ABCF3: variants seen among roughly 807,000 people sequenced by gnomAD.
ABCF3 encodes the protein ATP-binding cassette sub-family F member 3.
In ABCF3, 62 loss-of-function variants were observed where a neutral mutation model predicts 94.3. That is an observed-to-expected ratio of 0.66 (90% CI 0.54 to 0.81). The LOEUF (loss-of-function observed/expected upper bound fraction) is 0.81, where lower values mean the gene tolerates loss of function less well. Ranked by LOEUF, ABCF3 falls within the 40% of genes least tolerant of loss-of-function variation. The pLI, the probability that ABCF3 is intolerant of heterozygous loss-of-function variation, is 0.00. For synonymous variants in ABCF3, 355 were observed against 361.1 expected, an observed-to-expected ratio of 0.98 and a Z score of 0.19; for missense variants, 843 against 925.3, an observed-to-expected ratio of 0.91 and a Z score of 1.15.
chr3:184,190,885 TA>T (rs1715974751), intron 14 of ABCF3, 113 bp from the exon 15 acceptor site: 1 of 1,230,988 alleles, frequency 8.1e-7, no homozygotes, highest in Admixed American at 2.3e-5. Context: ...AAAGTAATGA[TA>T]CCTGAGTGGT....
intron 7 of ABCF3, 35 bp downstream of exon 7, chr3:184,188,442 G>T (rs761651072): frequency 1.9e-6 from 3 of 1,584,074 alleles, no homozygotes; most frequent in Admixed American, 3.4e-5. Context: ...ACTAGCAGCC[G>T]CTGTCGCTTA....
intron 14 of ABCF3, 118 bp from the exon 15 acceptor site, chr3:184,190,881 A>G: frequency 8.3e-7 from 1 of 1,198,598 alleles, no homozygotes; most frequent in Non-Finnish European, 1.2e-6. Flanking sequence ...CTCTAAAGTA[A>G]TGATACCTGA....
intron 3 of ABCF3, 45 bp from the exon 4 acceptor site, chr3:184,187,352 C>T: frequency 6.2e-7 from 1 of 1,612,364 alleles, no homozygotes; most frequent in Non-Finnish European, 8.5e-7. Flanking sequence ...ATGTTAGTTT[C>T]CCTTCCCTCA....
rs536100363 is a variant in ABCF3 at position 184,187,307 on chromosome 3, C to CT, written c.302-89dup. The CT allele has an allele frequency of 1.1e-4, 160 of 1,449,568 alleles. 1 individual carries two copies. The highest frequency in any genetic ancestry group is 1.7e-4 in the Admixed American group (10 of 58,284). The allele number at this position is 1,449,568 out of a possible 1,614,324, so 89.8% of individuals were successfully genotyped here. A position where few individuals can be genotyped will look rare whatever the true frequency, so the allele number is the denominator to read the frequency against. The stretch of plus-strand genomic sequence containing the variant: ...TATTATAAGGTTTTGTAGAAAACAT[C>CT]TGTGTCTGTGCCTGGTTCCTATTAG... On this transcript the variant is annotated intron_variant, in intron 3 of 20. Transcript: ENST00000429586.
chr3:184,187,095 G>A (rs371856884), intron 3 of ABCF3: 13 of 633,408 alleles, frequency 2.1e-5, no homozygotes, highest in African/African-American at 5.5e-5. Flanking sequence ...AAGCATAAGA[G>A]CCTGGAGCTG....
intron 16 of ABCF3, among the ~76,000 whole-genome samples, chr3:184,191,650 A>T (rs1577069458): frequency 6.6e-6 from 1 of 151,442 alleles, no homozygotes; most frequent in Non-Finnish European, 1.5e-5. Flanking sequence ...GCTGACATCT[A>T]CCTCACTTGG....
Position 184,189,675 on chromosome 3 carries a change from C to T in ABCF3, c.1232C>T (p.Thr411Ile). 6.2e-7 allele frequency: 1 copy of T among 1,614,186 alleles called. No homozygotes were observed. Among genetic ancestry groups the T allele is most frequent in the Non-Finnish European group, 8.5e-7 (1 of 1,180,038 alleles). Residue 411 changes from threonine to isoleucine, a missense_variant, in exon 13 of 21, where the codon ACC becomes ATC. Coordinates refer to ENST00000429586, the MANE Select transcript of ABCF3 (RefSeq NM_018358.3). ...RLDGYRGDFE[T>I]FIKSKQERLL... Reference sequence around the variant, plus strand: ...GATGGTTACCGGGGAGACTTTGAGACCTTCATCAAGAGTAAGCAGGAGCGG... The same window carrying T: ...GATGGTTACCGGGGAGACTTTGAGATCTTCATCAAGAGTAAGCAGGAGCGG...
At chr3:184,187,524 GA>G in intron 4 of ABCF3, 81 bp downstream of exon 4, 1 of 1,548,560 alleles carries the variant, frequency 6.5e-7, no homozygotes, top group Non-Finnish European at 8.9e-7. Context: ...CTTTTGGGGG[GA>G]TTTCTGACTA....
At position 184,193,335 on chromosome 3, in the gene ABCF3, A is replaced by G. The variant is rs1716149183; in HGVS notation, c.1884-30A>G. ...TTATTTTCTCTCACCGCACCCCTTC[A>G]CTGCCCACCTTCCTGGTTCTGCCTT... On this transcript the variant is annotated intron_variant, in intron 19 of 20. Transcript: ENST00000429586. The surrounding 1 kb of genome is among the most constrained non-coding windows in gnomAD (Gnocchi z 5.2). 1 of 1,613,878 alleles carries G rather than the reference A, an allele frequency of 6.2e-7. No homozygotes were observed. Among genetic ancestry groups the G allele is most frequent in the South Asian group, 1.1e-5 (1 of 91,068 alleles).
chr3:184,189,574 C>G lies in ABCF3; in HGVS notation c.1131C>G (p.Ile377Met), dbSNP rs1667418921. The stretch of plus-strand genomic sequence containing the variant: ...CCCCTCAGACGTGGCCCTCCACCAT[C>G]CTAGTCGTCTCCCACGACCGCAACT... Reference protein sequence around the residue: ...ENYLQTWPSTILVVSHDRNFL... With the variant: ...ENYLQTWPSTMLVVSHDRNFL... Residue 377 changes from isoleucine to methionine, a missense_variant, in exon 13 of 21, where the codon ATC becomes ATG. Transcript: ENST00000429586. The G allele has an allele frequency of 6.2e-7, 1 of 1,614,164 alleles. No individual in the cohort carries two copies. The highest frequency in any genetic ancestry group is 1.1e-5 in the South Asian group (1 of 91,078).
intron 9 of ABCF3, 30 bp from the exon 10 acceptor site, chr3:184,189,058 C>T (rs1306957319): frequency 5.0e-6 from 8 of 1,614,214 alleles, no homozygotes; most frequent in Non-Finnish European, 6.8e-6. Flanking sequence ...GATGAACACC[C>T]ACCCATAATG....
At position 184,191,144 on chromosome 3, in the gene ABCF3, G is replaced by A. The variant is rs900315824; in HGVS notation, c.1458G>A (p.Lys486=). ...GCAGGTTCCCTGATGGGTTTGAGAA[G>A]TTCTCGCCGCCAATTCTGCAGCTAG... ...VVMKFPDGFE[K]FSPPILQLDE... Residue 486 remains lysine (K), a synonymous_variant, in exon 16 of 21, where the codon AAG becomes AAA. Transcript: ENST00000429586. 6.2e-7 allele frequency: 1 copy of A among 1,614,174 alleles called. No homozygotes were observed. Among genetic ancestry groups the A allele is most frequent in the Admixed American group, 1.7e-5 (1 of 60,018 alleles).
At position 184,193,376 on chromosome 3, in the gene ABCF3, A is replaced by G. The variant is rs1031939244; in HGVS notation, c.1895A>G (p.Tyr632Cys). Residue 632 changes from tyrosine (Y) to cysteine (C), a missense_variant, in exon 20 of 21, where the codon TAC becomes TGC. Physicochemically the swap from Tyr to Cys is radical, Grantham distance 194 (BLOSUM62 -2). Coordinates refer to ENST00000429586, the MANE Select transcript of ABCF3 (RefSeq NM_018358.3). This position sits in a 1 kb window ranked among gnomAD's most constrained non-coding sequence, Gnocchi z 5.2. ...AQMTMPCPNFYILDEPTNHLD... is the reference protein window; with the variant it reads ...AQMTMPCPNFCILDEPTNHLD... The stretch of plus-strand genomic sequence containing the variant: ...GTTCTGCCTTCCAGCCCCAACTTCT[A>G]CATTCTGGATGAACCCACAAACCAC... 1.2e-5 allele frequency: 19 copies of G among 1,613,912 alleles called. No homozygotes were observed. The highest frequency in any genetic ancestry group is 1.5e-5 in the Non-Finnish European group (18 of 1,180,000).
intron 16 of ABCF3, among the ~76,000 whole-genome samples, chr3:184,191,744 A>C (rs938657191): frequency 2.2e-5 from 1 of 45,572 alleles, no homozygotes; most frequent in African/African-American, 1.0e-4. Flanking sequence ...GTAGAGTTAG[A>C]GTTCCTTTTT....
At chr3:184,187,619 C>G in intron 4 of ABCF3, 45 bp from the exon 5 acceptor site, 2 of 1,609,524 alleles carry the variant, frequency 1.2e-6, no homozygotes, top group Non-Finnish European at 1.7e-6. Context: ...GGGTTCCTTT[C>G]TGAGCCTACA....
Position 184,189,420 on chromosome 3 carries a change from C to T in ABCF3, c.1090C>T (p.Leu364=), listed in dbSNP as rs1577067408. ...PTNMLDVRAI[L]WLENYLQTWP... ...AAACATGCTGGATGTCAGGGCCATC[C>T]TGTGGCTGGAGAATTACCTGCAGGT... The change falls in exon 12 of 21, where the codon CTG becomes TTG. Residue 364 remains leucine, a synonymous_variant. Transcript: ENST00000429586. 6.2e-7 allele frequency: 1 copy of T among 1,614,140 alleles called. No individual in the cohort carries two copies. Among genetic ancestry groups the T allele is most frequent in the Middle Eastern group, 1.6e-4 (1 of 6,062 alleles).
chr3:184,189,274 G>A lies in ABCF3; in HGVS notation c.1054G>A (p.Asp352Asn). ...LFARPDLLLLDEPTNMLDVRA... is the reference protein window; with the variant it reads ...LFARPDLLLLNEPTNMLDVRA... ...TCATAGGCCAGATCTTCTGCTGTTA[G>A]ATGGTGAGTTTGAAATGGGGCACCC... The change falls in exon 11 of 21, where the codon GAT becomes AAT. Residue 352 changes from aspartate (D) to asparagine (N), a missense_variant. Physicochemically the swap from Asp to Asn is conservative, Grantham distance 23 (BLOSUM62 1). Coordinates refer to ENST00000429586, the MANE Select transcript of ABCF3 (RefSeq NM_018358.3). 6.2e-7 allele frequency: 1 copy of A among 1,614,212 alleles called. No homozygotes were observed. The highest frequency in any genetic ancestry group is 8.5e-7 in the Non-Finnish European group (1 of 1,180,050).
At chr3:184,186,486 G>C in intron 1 of ABCF3, 21 bp from the exon 2 acceptor site, 2 of 1,599,922 alleles carry the variant, frequency 1.3e-6, no homozygotes, top group East Asian at 2.2e-5. Flanking sequence ...TACCTTCCTC[G>C]TTCTACCACG....
Position 184,186,868 on chromosome 3 carries a change from G to A in ABCF3, c.294G>A (p.Glu98=), listed in dbSNP as rs755007073. 1.9e-6 allele frequency: 3 copies of A among 1,613,496 alleles called. No individual in the cohort carries two copies. Among genetic ancestry groups the A allele is most frequent in the African/African-American group, 2.7e-5 (2 of 74,918 alleles). The change falls in exon 3 of 21, where the codon GAG becomes GAA. Residue 98 remains glutamate (E), a synonymous_variant. Coordinates refer to ENST00000429586, the MANE Select transcript of ABCF3 (RefSeq NM_018358.3). ...CTATCCAGTTGTCAAAGATAACGGA[G>A]AACTACGGTGAGAGTGAGGGGAGGT... ...DAPIQLSKIT[E]NYDCGTKLPG...
Sources: gnomAD v4.1 joint callset for allele counts (sites outside exome capture counted in the v4.1 genomes callset) on GRCh38, gnomAD v4.1.1 for gene constraint, Gnocchi (gnomAD v3.1) non-coding constraint, MANE v1.5 for transcripts, NCBI Gene and HGNC (gene_info 2026-07-23, HGNC 2026-07-21) for gene names.